SLC4A4: variants seen among roughly 807,000 people sequenced by gnomAD.
SLC4A4 encodes electrogenic sodium bicarbonate cotransporter 1.
A neutral mutation model predicts 111.5 loss-of-function variants in SLC4A4; 27 were observed. The ratio of observed to expected loss-of-function variants is 0.24; its 90% CI spans 0.18 to 0.33. SLC4A4 has a LOEUF of 0.33. SLC4A4 is among the 10% of genes least tolerant of loss of function. The probability of loss-of-function intolerance (pLI) is 1.00; values close to 1 mark genes in which losing one functional copy is unlikely to be tolerated. For synonymous variants in SLC4A4, 443 were observed against 463.4 expected, an observed-to-expected ratio of 0.96 and a Z score of 0.57; for missense variants, 909 against 1,315.5, an observed-to-expected ratio of 0.69 and a Z score of 4.78.
At chr4:71,173,821 T>C (rs1175781986) in intron 2 of SLC4A4, among the ~76,000 whole-genome samples, 1 of 152,096 alleles carries the variant, frequency 6.6e-6, no homozygotes, top group East Asian at 1.9e-4. Flanking sequence ...CTGATAGACA[T>C]ATAGCTTCTT....
rs146371812 is a variant in SLC4A4, at chr4:71,434,910, G to A, written c.808-5706G>A. Among the ~76,000 whole-genome samples, 968 of 152,140 alleles carry A rather than the reference G, an allele frequency of 6.4e-3. 12 individuals are homozygous for A. Among genetic ancestry groups the A allele is most frequent in the Admixed American group, 0.026 (393 of 15,264 alleles). On this transcript the variant is annotated intron_variant, in intron 7 of 25. Coordinates refer to ENST00000264485, the MANE Select transcript of SLC4A4 (RefSeq NM_001098484.3). ...GGAGAACTACAAACCACTGCTCAAC[G>A]AAATAAGAGGACACAAACAAATGGA...
At chr4:71,523,935 A>G (rs1733190252) in intron 16 of SLC4A4, among the ~76,000 whole-genome samples, 1 of 152,054 alleles carries the variant, frequency 6.6e-6, no homozygotes, top group African/African-American at 2.4e-5. Context: ...GTGTAACATC[A>G]CTGCTGACAT....
intron 8 of SLC4A4, among the ~76,000 whole-genome samples, chr4:71,443,116 C>CTCTATATATATATA (rs1198759861): frequency 4.6e-5 from 3 of 65,652 alleles, no homozygotes; most frequent in African/African-American, 8.7e-5. Flanking sequence ...CTCTCTCTCT[C>CTCTATATATATATA]TATATATATA....
At chr4:71,157,605 G>A (rs992195567) in intron 2 of SLC4A4, among the ~76,000 whole-genome samples, 2 of 152,048 alleles carry the variant, frequency 1.3e-5, no homozygotes, top group Admixed American at 6.5e-5. Flanking sequence ...TCTGAAATTA[G>A]GAAATTTGAA....
chr4:71,105,576 A>C (rs1317584314), intron 2 of SLC4A4, among the ~76,000 whole-genome samples: 4 of 148,138 alleles, frequency 2.7e-5, no homozygotes, highest in African/African-American at 1.0e-4. Context: ...AAACAGAGAT[A>C]TAGATCAATG....
chr4:71,469,497 A>C (rs1271440283), intron 13 of SLC4A4, among the ~76,000 whole-genome samples: 1 of 151,970 alleles, frequency 6.6e-6, no homozygotes, highest in Non-Finnish European at 1.5e-5. Flanking sequence ...TATGACTCAA[A>C]AAATCTAGGA....
intron 3 of SLC4A4, among the ~76,000 whole-genome samples, chr4:71,273,506 T>C (rs954546081): frequency 6.6e-6 from 1 of 152,148 alleles, no homozygotes; most frequent in African/African-American, 2.4e-5. Flanking sequence ...TTGGTTTCAG[T>C]CCCCAGGGCC....
At chr4:71,534,482 G>A (rs1734236419) in intron 18 of SLC4A4, 94 bp downstream of exon 18, 1 of 1,198,850 alleles carries the variant, frequency 8.3e-7, no homozygotes, top group Non-Finnish European at 1.2e-6. Flanking sequence ...GCTTTGTTGG[G>A]AGTTACTATA....
chr4:71,471,686 A>G (rs1449651589), intron 13 of SLC4A4, among the ~76,000 whole-genome samples: 1 of 151,970 alleles, frequency 6.6e-6, no homozygotes, highest in Non-Finnish European at 1.5e-5. Context: ...TCTCCACATA[A>G]TTTTAAAGGG....
intron 6 of SLC4A4, among the ~76,000 whole-genome samples, chr4:71,371,459 G>T (rs1213088029): frequency 2.0e-5 from 3 of 151,808 alleles, no homozygotes. Flanking sequence ...GGCCAGGCTG[G>T]TTTCGAACTC....
chr4:71,150,513 G>A (rs1744286767), intron 2 of SLC4A4, among the ~76,000 whole-genome samples: 1 of 152,120 alleles, frequency 6.6e-6, no homozygotes, highest in Admixed American at 6.6e-5. Context: ...GAAGGCAAAT[G>A]AAGACTCAAC....
At position 71,520,416 on chromosome 4, in the gene SLC4A4, G is replaced by T. The variant is rs532767377; in HGVS notation, c.2167-11646G>T. 5.9e-5 allele frequency among the ~76,000 whole-genome samples: 9 copies of T among 152,338 alleles called. No homozygotes were observed. In the South Asian group the frequency reaches 1.9e-3, roughly 32 times the overall value. ...CTAAGTACTCAATACTTCTTGACTA[G>T]TGGAAACCAGTCAAGTACAGATTAG... On this transcript the variant is annotated intron_variant, in intron 16 of 25. Transcript: ENST00000264485.
intron 2 of SLC4A4, among the ~76,000 whole-genome samples, chr4:71,094,306 A>G (rs1742479406): frequency 6.6e-6 from 1 of 152,180 alleles, no homozygotes; most frequent in South Asian, 2.1e-4. Context: ...TCAGAGAGAG[A>G]GAGATTCCAG....
intron 2 of SLC4A4, among the ~76,000 whole-genome samples, chr4:71,177,855 C>A (rs769480082): frequency 3.3e-5 from 5 of 152,178 alleles, no homozygotes; most frequent in Admixed American, 6.5e-5. Context: ...GAACTCTCCA[C>A]CCCAAATCAA....
chr4:71,459,955 G>A (rs1488356219), intron 12 of SLC4A4, among the ~76,000 whole-genome samples: 42 of 151,732 alleles, frequency 2.8e-4, no homozygotes, highest in Admixed American at 2.7e-3. Context: ...TTTATTGATT[G>A]TCTATACTTC....
At chr4:71,519,000 A>G (rs1445733493) in intron 16 of SLC4A4, among the ~76,000 whole-genome samples, 1 of 152,180 alleles carries the variant, frequency 6.6e-6, no homozygotes, top group Non-Finnish European at 1.5e-5. Flanking sequence ...TTCCCTCTCC[A>G]GGATGTGTTG....
chr4:71,557,451 T>A (rs1452689289), intron 21 of SLC4A4, among the ~76,000 whole-genome samples: 2 of 151,914 alleles, frequency 1.3e-5, no homozygotes, highest in African/African-American at 4.8e-5. Flanking sequence ...TCCTAGAATT[T>A]TTTTTCTTTG....
intron 19 of SLC4A4, among the ~76,000 whole-genome samples, chr4:71,546,736 A>C (rs957905540): frequency 1.4e-4 from 22 of 151,852 alleles, no homozygotes; most frequent in Non-Finnish European, 1.5e-5. Flanking sequence ...ATTTTCATGG[A>C]TTTCCAAAAG....
intron 4 of SLC4A4, among the ~76,000 whole-genome samples, chr4:71,345,336 C>T (rs1295071891): frequency 1.3e-5 from 2 of 151,946 alleles, no homozygotes; most frequent in Admixed American, 6.6e-5. Flanking sequence ...ATTCTTTATT[C>T]ATTTGAGTAG....
Sources: allele counts gnomAD v4.1 joint callset (sites outside exome capture counted in the v4.1 genomes callset), GRCh38; gene constraint gnomAD v4.1.1; transcripts MANE v1.5; gene names NCBI Gene and HGNC (gene_info 2026-07-23, HGNC 2026-07-21).